FBXL7: variants seen among roughly 807,000 people sequenced by gnomAD.
FBXL7 encodes F-box/LRR-repeat protein 7.
In FBXL7, 12 loss-of-function variants were observed where a neutral mutation model predicts 38.3. The ratio of observed to expected loss-of-function variants is 0.31; its 90% CI spans 0.20 to 0.51. The LOEUF is 0.51. FBXL7 is among the 20% of genes least tolerant of loss of function. The pLI, the probability that FBXL7 is intolerant of heterozygous loss-of-function variation, is 0.98. For synonymous variants in FBXL7, 297 were observed against 300.9 expected (o/e 0.99, Z 0.13); for missense variants, 567 against 676.4 (o/e 0.84, Z 1.79).
At chr5:15,543,563 A>G (rs1270668519) in intron 1 of FBXL7, among the ~76,000 whole-genome samples, 1 of 152,196 alleles carries the variant, frequency 6.6e-6, no homozygotes, top group Admixed American at 6.5e-5. Context: ...CCTACTCCTA[A>G]GAGTAGTCCA....
In FBXL7 at chr5:15,621,365, C is replaced by T. The variant is rs192008744; in HGVS notation, c.127+5293C>T. On this transcript the variant is annotated intron_variant, in intron 2 of 3. Transcript: ENST00000504595. ...TAATCTACATTCCAACATTGTAAGA[C>T]ACAGCTTAATTCTTTCCAGTTGTGT... 6.8e-4 allele frequency among the ~76,000 whole-genome samples: 104 copies of T among 152,274 alleles called. 1 individual carries two copies. Among genetic ancestry groups the T allele is most frequent in the African/African-American group, 2.4e-3 (98 of 41,558 alleles).
At chr5:15,696,238 C>T (rs754668512) in intron 2 of FBXL7, among the ~76,000 whole-genome samples, 3 of 152,034 alleles carry the variant, frequency 2.0e-5, no homozygotes, top group Non-Finnish European at 2.9e-5. Context: ...TATATTTAGC[C>T]ACCCAGAAAT....
At chr5:15,927,796 A>AGAAGAAGAAAGAC (rs1554034860) in intron 2 of FBXL7, 94 bp from the exon 3 acceptor site, 1 of 776,300 alleles carries the variant, frequency 1.3e-6, no homozygotes, top group African/African-American at 2.3e-5. Context: ...AAGAAGAAGA[A>AGAAGAAGAAAGAC]AGAAAAGAAA....
intron 2 of FBXL7, among the ~76,000 whole-genome samples, chr5:15,668,765 A>G (rs1159806922): frequency 6.6e-6 from 1 of 152,218 alleles, no homozygotes; most frequent in East Asian, 1.9e-4. Context: ...GATTTCTGCT[A>G]GGTGCAGCAG....
chr5:15,693,688 G>C (rs370060161), intron 2 of FBXL7, among the ~76,000 whole-genome samples: 41 of 152,272 alleles, frequency 2.7e-4, no homozygotes, highest in African/African-American at 9.4e-4. Context: ...ACATCAAGAG[G>C]AACACACTGG....
intron 2 of FBXL7, among the ~76,000 whole-genome samples, chr5:15,798,702 A>G (rs1394799321): frequency 1.3e-5 from 2 of 152,206 alleles, no homozygotes; most frequent in African/African-American, 4.8e-5. Context: ...AAACTTTTTA[A>G]AAATCAAAAC....
chr5:15,641,941 TTG>T (rs199980981), intron 2 of FBXL7, among the ~76,000 whole-genome samples: 36,032 of 141,172 alleles, frequency 0.26, 5,036 homozygotes, highest in South Asian at 0.38. Context: ...ACATAAAACC[TTG>T]TGTGTGTGTG....
intron 1 of FBXL7, among the ~76,000 whole-genome samples, chr5:15,510,676 C>A (rs1210352779): frequency 6.6e-6 from 1 of 152,222 alleles, no homozygotes; most frequent in Non-Finnish European, 1.5e-5. Flanking sequence ...CTACTTAACT[C>A]TCTTTTCTTC....
intron 2 of FBXL7, among the ~76,000 whole-genome samples, chr5:15,640,468 A>G (rs982252891): frequency 3.9e-5 from 6 of 151,988 alleles, no homozygotes. Context: ...GACATCTGCA[A>G]TGACCCTGTC....
chr5:15,789,483 A>G (rs764554035), intron 2 of FBXL7, among the ~76,000 whole-genome samples: 2 of 152,168 alleles, frequency 1.3e-5, no homozygotes, highest in East Asian at 3.9e-4. Flanking sequence ...TCTGCTGAGC[A>G]TAAAGGCAAA....
intron 2 of FBXL7, among the ~76,000 whole-genome samples, chr5:15,852,117 A>G (rs199657742): frequency 1.3e-5 from 2 of 152,242 alleles, no homozygotes; most frequent in East Asian, 1.9e-4. Context: ...AGTACATGCT[A>G]GATCATAGCT....
chr5:15,679,288 CA>C (rs1182490635), intron 2 of FBXL7, among the ~76,000 whole-genome samples: 3 of 152,164 alleles, frequency 2.0e-5, no homozygotes, highest in Non-Finnish European at 4.4e-5. Context: ...AGAAAAACCT[CA>C]TTTGGTTTTA....
chr5:15,889,591 A>C (rs528570382), intron 2 of FBXL7, among the ~76,000 whole-genome samples: 2 of 152,200 alleles, frequency 1.3e-5, no homozygotes, highest in African/African-American at 4.8e-5. Context: ...ACTCTCTGCC[A>C]TATTAGAATA....
intron 2 of FBXL7, among the ~76,000 whole-genome samples, chr5:15,621,307 A>G (rs1740633312): frequency 6.6e-6 from 1 of 152,228 alleles, no homozygotes; most frequent in Admixed American, 6.5e-5. Context: ...GTTCCAGTGT[A>G]GAAGGCTGGA....
intron 2 of FBXL7, among the ~76,000 whole-genome samples, chr5:15,680,717 G>A (rs1742818216): frequency 6.6e-6 from 1 of 152,142 alleles, no homozygotes; most frequent in Admixed American, 6.5e-5. Flanking sequence ...GACTCCAAAT[G>A]TGTGAATTTC....
chr5:15,528,786 T>G (rs920904593), intron 1 of FBXL7, among the ~76,000 whole-genome samples: 2 of 151,996 alleles, frequency 1.3e-5, no homozygotes, highest in African/African-American at 2.4e-5. Context: ...TGAAGGCCGG[T>G]TTTTTTAAAA....
intron 2 of FBXL7, among the ~76,000 whole-genome samples, chr5:15,791,228 G>T (rs1180280437): frequency 6.6e-6 from 1 of 152,140 alleles, no homozygotes; most frequent in African/African-American, 2.4e-5. Flanking sequence ...TTCTATACAT[G>T]GTAGGTAAAC....
intron 2 of FBXL7, among the ~76,000 whole-genome samples, chr5:15,852,355 C>T (rs557948788): frequency 1.9e-4 from 29 of 152,248 alleles, no homozygotes; most frequent in African/African-American, 7.0e-4. Context: ...ATATATCTGC[C>T]TTACTGCCCC....
chr5:15,875,953 G>A (rs574453591), intron 2 of FBXL7, among the ~76,000 whole-genome samples: 104 of 152,280 alleles, frequency 6.8e-4, no homozygotes, highest in African/African-American at 2.4e-3. Flanking sequence ...ACATGCACAC[G>A]TATGTTTATT....
Sources: allele counts gnomAD v4.1 joint callset (sites outside exome capture counted in the v4.1 genomes callset), GRCh38; gene constraint gnomAD v4.1.1; transcripts MANE v1.5; gene names NCBI Gene and HGNC (gene_info 2026-07-23, HGNC 2026-07-21).